The following LHFPL2 variants were observed in gnomAD, a reference collection of about 807,000 sequenced individuals.
LHFPL2 encodes the protein LHFPL tetraspan subfamily member 2.
LHFPL2 carries 7 observed loss-of-function variants against 17.5 expected under a neutral mutation model. The observed-to-expected ratio is 0.40, with a 90% confidence interval of 0.23 to 0.75. LHFPL2 has a LOEUF of 0.75. Among genes scored for constraint, LHFPL2 ranks in the 30% least tolerant of loss-of-function variants. LHFPL2 has a pLI of 0.37. For synonymous variants in LHFPL2, 134 were observed against 116.2 expected, an observed-to-expected ratio of 1.15 and a Z score of -0.99; for missense variants, 241 against 294.8, an observed-to-expected ratio of 0.82 and a Z score of 1.34.
At chr5:78,534,327 G>GA (rs1755875060) in intron 3 of LHFPL2, among the ~76,000 whole-genome samples, 1 of 152,186 alleles carries the variant, frequency 6.6e-6, no homozygotes, top group African/African-American at 2.4e-5. Context: ...CCGAGAGGGA[G>GA]AAATGGCCGG....
At chr5:78,519,157 G>C (rs879278369) in intron 3 of LHFPL2, among the ~76,000 whole-genome samples, 4 of 151,952 alleles carry the variant, frequency 2.6e-5, no homozygotes, top group African/African-American at 9.7e-5. Flanking sequence ...ACAGCCCTCC[G>C]TAAGAGAGAG....
chr5:78,544,241 G>A (rs139981052), intron 3 of LHFPL2, among the ~76,000 whole-genome samples: 3 of 152,278 alleles, frequency 2.0e-5, no homozygotes, highest in Non-Finnish European at 1.5e-5. Context: ...ACTCCAAGAG[G>A]GGATCATGTG....
intron 2 of LHFPL2, among the ~76,000 whole-genome samples, chr5:78,581,534 T>G (rs1270319032): frequency 6.6e-6 from 1 of 152,194 alleles, no homozygotes; most frequent in African/African-American, 2.4e-5. Flanking sequence ...CTTTTCTGCA[T>G]CTACTGAGAT....
chr5:78,647,656 G>C (rs2112537063), intron 1 of LHFPL2, among the ~76,000 whole-genome samples: 1 of 152,248 alleles, frequency 6.6e-6, no homozygotes, highest in South Asian at 2.1e-4. Context: ...GCGAGGACGG[G>C]GGTGGGGATA....
At chr5:78,579,336 TTTTCA>T (rs1282636893) in intron 2 of LHFPL2, among the ~76,000 whole-genome samples, 1 of 152,058 alleles carries the variant, frequency 6.6e-6, no homozygotes, top group Non-Finnish European at 1.5e-5. Context: ...TTGTTGTTGT[TTTTCA>T]TTTATTTATT....
intron 2 of LHFPL2, among the ~76,000 whole-genome samples, chr5:78,621,875 C>T (rs986475131): frequency 6.6e-6 from 1 of 152,050 alleles, no homozygotes; most frequent in Non-Finnish European, 1.5e-5. Context: ...CTTCCCCTTT[C>T]CCCCTAAGCT....
rs1329002261 is a variant in LHFPL2 at position 78,488,062 on chromosome 5, G to A, written c.*835C>T. On this transcript the variant is annotated 3_prime_UTR_variant, in exon 5 of 5. Transcript: ENST00000380345. ...AGTCCCTGGAAGGAGGAAACAGTGA[G>A]GTTTCCTTTCGCAGTCAAAGCACAA... 1 of 152,208 alleles carries A rather than the reference G, an allele frequency of 6.6e-6. No individual in the cohort carries two copies. Among genetic ancestry groups the A allele is most frequent in the South Asian group, 2.1e-4 (1 of 4,828 alleles). The allele number at this position is 152,208 out of a possible 1,614,324, so 9.4% of individuals were successfully genotyped here.
chr5:78,550,102 T>C (rs945051035), intron 3 of LHFPL2, among the ~76,000 whole-genome samples: 24 of 152,180 alleles, frequency 1.6e-4, no homozygotes, highest in Non-Finnish European at 2.5e-4. Context: ...ATATAACCCA[T>C]AGTGGATCAG....
intron 2 of LHFPL2, among the ~76,000 whole-genome samples, chr5:78,573,232 G>A (rs2112429291): frequency 6.6e-6 from 1 of 152,272 alleles, no homozygotes; most frequent in Non-Finnish European, 1.5e-5. Context: ...AAGCACTATC[G>A]TGACAGCCTT....
chr5:78,532,280 G>A (rs950456429), intron 3 of LHFPL2, among the ~76,000 whole-genome samples: 6 of 150,242 alleles, frequency 4.0e-5, no homozygotes, highest in South Asian at 2.1e-4. Context: ...AGCTCATCTC[G>A]AACTCCTGGG....
chr5:78,534,024 C>T (rs1323025790), intron 3 of LHFPL2, among the ~76,000 whole-genome samples: 1 of 152,220 alleles, frequency 6.6e-6, no homozygotes, highest in Non-Finnish European at 1.5e-5. Context: ...CAGGGCTCCA[C>T]AGGAAGGCCC....
chr5:78,605,835 A>G (rs897373960), intron 2 of LHFPL2, among the ~76,000 whole-genome samples: 1 of 152,206 alleles, frequency 6.6e-6, no homozygotes, highest in East Asian at 1.9e-4. Flanking sequence ...GTCAGCAGAC[A>G]ATATTAATCA....
At chr5:78,509,284 T>C (rs1182127053) in intron 4 of LHFPL2, among the ~76,000 whole-genome samples, 1 of 152,170 alleles carries the variant, frequency 6.6e-6, no homozygotes. Context: ...CCCGTGTCTT[T>C]CCCACCCAAG....
chr5:78,580,001 C>G lies in LHFPL2; in HGVS notation c.-244-15130G>C, dbSNP rs529430323. 3.4e-3 allele frequency among the ~76,000 whole-genome samples: 524 copies of G among 152,348 alleles called. 4 individuals are homozygous for G. Among genetic ancestry groups the G allele is most frequent in the African/African-American group, 0.012 (507 of 41,578 alleles). ...GTGTTCCTATTTCTCCACATCCTCT[C>G]CAGCACCTGTTGTTTCCTAACTTTT... On this transcript the variant is annotated intron_variant, in intron 2 of 4. Transcript: ENST00000380345.
chr5:78,596,620 T>C (rs1263129018), intron 2 of LHFPL2, among the ~76,000 whole-genome samples: 2 of 152,150 alleles, frequency 1.3e-5, no homozygotes, highest in Non-Finnish European at 2.9e-5. Context: ...GATAAAAGTG[T>C]CACGTGCCTG....
intron 2 of LHFPL2, among the ~76,000 whole-genome samples, chr5:78,570,154 T>C (rs1470724836): frequency 1.3e-5 from 2 of 152,206 alleles, no homozygotes; most frequent in African/African-American, 2.4e-5. Context: ...TCTCTTGCAC[T>C]CAACATAGGG....
intron 3 of LHFPL2, among the ~76,000 whole-genome samples, chr5:78,539,948 C>G (rs989725212): frequency 1.3e-5 from 2 of 151,926 alleles, no homozygotes; most frequent in Admixed American, 1.3e-4. Context: ...TGGTTAGGAC[C>G]ACACAGTCGA....
At chr5:78,643,091 T>C (rs1228559671) in intron 1 of LHFPL2, among the ~76,000 whole-genome samples, 3 of 152,046 alleles carry the variant, frequency 2.0e-5, no homozygotes, top group Non-Finnish European at 4.4e-5. Context: ...CGAGATGAAA[T>C]ACAGACTCCC....
intron 2 of LHFPL2, among the ~76,000 whole-genome samples, chr5:78,612,965 C>T (rs77866850): frequency 0.037 from 5,706 of 152,308 alleles, 384 homozygotes; most frequent in African/African-American, 0.13. Flanking sequence ...AGCTCTTCCA[C>T]GTGCATAGCT....
Sources: allele counts gnomAD v4.1 joint callset (sites outside exome capture counted in the v4.1 genomes callset), GRCh38; gene constraint gnomAD v4.1.1; transcripts MANE v1.5; gene names NCBI Gene and HGNC (gene_info 2026-07-23, HGNC 2026-07-21).